SFMBT1: variants seen among roughly 807,000 people sequenced by gnomAD.
The protein encoded by SFMBT1 is scm-like with four MBT domains protein 1.
In SFMBT1, 32 loss-of-function variants were observed where a neutral mutation model predicts 108.7. The observed-to-expected ratio is 0.29, with a 90% CI of 0.22 to 0.40. The LOEUF is 0.40. SFMBT1 is among the 10% of genes least tolerant of loss of function. The pLI is 1.00. For missense variants in SFMBT1, 816 were observed against 1,059.6 expected (o/e 0.77, Z 3.19); for synonymous variants, 348 against 369.5 (o/e 0.94, Z 0.67).
At chr3:53,043,271 TAAAA>T (rs569298817) in intron 1 of SFMBT1, 1 of 144,052 alleles carries the variant, frequency 6.9e-6, no homozygotes, top group Admixed American at 6.9e-5. Flanking sequence ...AGAGGGTTAA[TAAAA>T]AAAAAAAGGT....
intron 1 of SFMBT1, among the ~76,000 whole-genome samples, chr3:52,990,951 T>C (rs1705101631): frequency 6.6e-6 from 1 of 152,218 alleles, no homozygotes; most frequent in African/African-American, 2.4e-5. Context: ...GTTCAACATA[T>C]AAACATTTTT....
intron 3 of SFMBT1, among the ~76,000 whole-genome samples, chr3:52,951,510 G>A (rs1703592422): frequency 6.6e-6 from 1 of 150,980 alleles, no homozygotes; most frequent in Non-Finnish European, 1.5e-5. Flanking sequence ...TCCGCCTCTT[G>A]GGTTCAAGTG....
chr3:52,914,062 T>C (rs1452478751), intron 14 of SFMBT1, among the ~76,000 whole-genome samples: 2 of 152,242 alleles, frequency 1.3e-5, no homozygotes, highest in African/African-American at 2.4e-5. Context: ...ACCAAACTAA[T>C]ATGTTGGCAG....
intron 4 of SFMBT1, among the ~76,000 whole-genome samples, chr3:52,941,740 G>A (rs1477325418): frequency 3.3e-5 from 5 of 151,552 alleles, no homozygotes; most frequent in African/African-American, 1.2e-4. Flanking sequence ...CTACAAAAAA[G>A]TTTAAAAATT....
intron 1 of SFMBT1, among the ~76,000 whole-genome samples, chr3:53,037,324 T>C (rs189325234): frequency 1.1e-3 from 163 of 152,268 alleles, no homozygotes; most frequent in Middle Eastern, 6.8e-3. Flanking sequence ...AGAAAGTCAT[T>C]TGAAGCTCTT....
At chr3:52,979,188 T>C (rs760957643) in intron 1 of SFMBT1, among the ~76,000 whole-genome samples, 11 of 149,004 alleles carry the variant, frequency 7.4e-5, no homozygotes, top group Non-Finnish European at 1.0e-4. Flanking sequence ...CAGAAGCCAA[T>C]GACAAAAAAA....
chr3:52,955,624 G>C (rs554354666), intron 2 of SFMBT1, among the ~76,000 whole-genome samples: 27 of 151,960 alleles, frequency 1.8e-4, no homozygotes, highest in Non-Finnish European at 3.1e-4. Context: ...TAAATTCCTG[G>C]ACACATACAC....
intron 1 of SFMBT1, among the ~76,000 whole-genome samples, chr3:52,998,261 G>A (rs1325598734): frequency 6.7e-6 from 1 of 149,780 alleles, no homozygotes; most frequent in African/African-American, 2.4e-5. Flanking sequence ...GCGTGGTGGC[G>A]GGCGCCTGTA....
At chr3:52,981,904 CATT>C (rs886636356) in intron 1 of SFMBT1, among the ~76,000 whole-genome samples, 1 of 152,156 alleles carries the variant, frequency 6.6e-6, no homozygotes, top group African/African-American at 2.4e-5. Flanking sequence ...TTTGGTTGTA[CATT>C]AAGGCCTGGA....
At chr3:53,020,361 G>A (rs1238108077) in intron 1 of SFMBT1, among the ~76,000 whole-genome samples, 5 of 152,070 alleles carry the variant, frequency 3.3e-5, no homozygotes, top group Non-Finnish European at 7.4e-5. Flanking sequence ...CTGCACTCCC[G>A]CCTGGGTGAC....
At chr3:53,009,570 G>C (rs558747605) in intron 1 of SFMBT1, among the ~76,000 whole-genome samples, 1 of 152,140 alleles carries the variant, frequency 6.6e-6, no homozygotes, top group Non-Finnish European at 1.5e-5. Flanking sequence ...CAGTAAGTTT[G>C]GTTTTTAAAC....
intron 11 of SFMBT1, 115 bp downstream of exon 11, chr3:52,921,590 T>A (rs1702520571): frequency 1.7e-6 from 2 of 1,189,834 alleles, no homozygotes; most frequent in African/African-American, 1.5e-5. Flanking sequence ...CAAAAGTCTC[T>A]GAACAAGATC....
At chr3:53,030,200 T>G (rs1699634438) in intron 1 of SFMBT1, among the ~76,000 whole-genome samples, 1 of 152,150 alleles carries the variant, frequency 6.6e-6, no homozygotes, top group Non-Finnish European at 1.5e-5. Context: ...CTTGGATATA[T>G]CCAAGATATT....
rs1373177836 is a variant in SFMBT1, at chr3:52,928,567, C to CATATACAT, written c.898-234_898-227dup. The CATATACAT allele has an allele frequency of 2.9e-4, 78 of 265,350 alleles. 1 individual carries two copies. Among genetic ancestry groups the CATATACAT allele is most frequent in the African/African-American group, 2.0e-3 (73 of 35,926 alleles). 16.4% of individuals were successfully genotyped at this position (265,350 alleles called of 1,614,324 possible). ...TCTTAACAACTGAATGAGGTAAGTA[C>CATATACAT]ATATACATATATATACATATATACA... is the stretch of plus-strand genomic sequence containing the variant. On this transcript the variant is annotated intron_variant, in intron 8 of 20. Transcript: ENST00000394752.
rs562821645 is a variant in SFMBT1, at chr3:52,945,675, C to T, written c.124-2082G>A. 4.6e-5 allele frequency among the ~76,000 whole-genome samples: 7 copies of T among 151,772 alleles called. No homozygotes were observed. In the East Asian group the frequency reaches 5.8e-4, roughly 13 times the overall value. On this transcript the variant is annotated intron_variant, in intron 3 of 20. Coordinates refer to ENST00000394752, the MANE Select transcript of SFMBT1 (RefSeq NM_016329.4). ...AAAAAAAATTAGCCAAGCATGGTGG[C>T]GGGCGCCTGTAGTCCCAGCTACTCA...
In SFMBT1 at chr3:52,911,085, T is replaced by C; in HGVS notation, c.1824A>G (p.Glu608=). ...EFCRQTCIKL[E]CCPNLFGPRM... ...GTGGACCGAAGAGGTTAGGACAGCA[T>C]TCCAGTTTGATACAGGTTTGCCGGC... The change falls in exon 17 of 21, where the codon GAA becomes GAG. Residue 608 remains glutamate, a synonymous_variant. Coordinates refer to ENST00000394752, the MANE Select transcript of SFMBT1 (RefSeq NM_016329.4). The C allele has an allele frequency of 1.9e-6, 3 of 1,614,168 alleles. No individual in the cohort carries two copies. Among genetic ancestry groups the C allele is most frequent in the Middle Eastern group, 3.3e-4 (2 of 6,062 alleles).
intron 1 of SFMBT1, among the ~76,000 whole-genome samples, chr3:52,980,965 C>A (rs1277877378): frequency 1.3e-5 from 2 of 152,092 alleles, no homozygotes; most frequent in African/African-American, 4.8e-5. Flanking sequence ...GAGTTCGAGA[C>A]CAGCTTGACC....
chr3:53,038,104 CA>C (rs147188075), intron 1 of SFMBT1, among the ~76,000 whole-genome samples: 6,894 of 148,348 alleles, frequency 0.046, 452 homozygotes, highest in South Asian at 0.19. Flanking sequence ...AACTTTGTCT[CA>C]AAAAAAAAAT....
intron 1 of SFMBT1, among the ~76,000 whole-genome samples, chr3:53,042,499 C>T (rs1013531687): frequency 6.6e-6 from 1 of 152,156 alleles, no homozygotes; most frequent in African/African-American, 2.4e-5. Flanking sequence ...ACCACCGCGC[C>T]TGGCTAATTT....
Sources: gnomAD v4.1 joint callset for allele counts (sites outside exome capture counted in the v4.1 genomes callset) on GRCh38, gnomAD v4.1.1 for gene constraint, MANE v1.5 for transcripts, NCBI Gene and HGNC (gene_info 2026-07-23, HGNC 2026-07-21) for gene names.